The following LRMDA variants were observed in gnomAD, a reference collection of about 807,000 sequenced individuals.
The protein encoded by LRMDA is leucine rich melanocyte differentiation associated, also known as leucine-rich melanocyte differentiation-associated protein.
LRMDA carries 18 observed loss-of-function variants against 29.8 expected under a neutral mutation model. The observed-to-expected ratio is 0.60, with a 90% CI of 0.42 to 0.90. The LOEUF (loss-of-function observed/expected upper bound fraction) is 0.90. Among genes scored for constraint, LRMDA ranks in the 40% least tolerant of loss-of-function variants. The pLI, the probability that LRMDA is intolerant of heterozygous loss-of-function variation, is 0.00. For missense variants in LRMDA, 273 were observed against 273.9 expected (o/e 1.00, Z 0.02); for synonymous variants, 125 against 109.4 (o/e 1.14, Z -0.89).
chr10:76,520,972 T>G (rs1843112683), intron 6 of LRMDA, among the ~76,000 whole-genome samples: 1 of 152,130 alleles, frequency 6.6e-6, no homozygotes, highest in African/African-American at 2.4e-5. Context: ...AATAGAGACA[T>G]ATTTTCTATA....
At chr10:76,113,297 T>C (rs1849610409) in intron 5 of LRMDA, among the ~76,000 whole-genome samples, 1 of 151,904 alleles carries the variant, frequency 6.6e-6, no homozygotes. Context: ...ATTAGAATTG[T>C]GTGGAAGGGT....
At chr10:75,909,746 TAAAC>T (rs1311585975) in intron 2 of LRMDA, among the ~76,000 whole-genome samples, 4 of 152,212 alleles carry the variant, frequency 2.6e-5, no homozygotes, top group African/African-American at 4.8e-5. Flanking sequence ...TTATGAGAAT[TAAAC>T]AAGTTAATAT....
intron 2 of LRMDA, among the ~76,000 whole-genome samples, chr10:75,756,853 A>G (rs1044755154): frequency 6.6e-6 from 1 of 152,180 alleles, no homozygotes; most frequent in Non-Finnish European, 1.5e-5. Flanking sequence ...TCTTTTCTTC[A>G]TCACTGTTGA....
chr10:76,137,604 G>A (rs1850119333), intron 5 of LRMDA, among the ~76,000 whole-genome samples: 1 of 152,162 alleles, frequency 6.6e-6, no homozygotes, highest in Admixed American at 6.5e-5. Flanking sequence ...GTCAGGAGAA[G>A]TGATGAGATG....
At chr10:75,896,895 G>A (rs534481357) in intron 2 of LRMDA, among the ~76,000 whole-genome samples, 1 of 151,080 alleles carries the variant, frequency 6.6e-6, no homozygotes, top group South Asian at 2.1e-4. Context: ...GTAGCCTAAA[G>A]GGAGATCTCA....
chr10:75,606,896 A>G (rs1345590439), intron 2 of LRMDA, among the ~76,000 whole-genome samples: 2 of 152,242 alleles, frequency 1.3e-5, no homozygotes, highest in East Asian at 3.8e-4. Flanking sequence ...ATGGAGGGAA[A>G]GGATGTTATG....
At chr10:75,558,441 A>G (rs918650222) in intron 2 of LRMDA, among the ~76,000 whole-genome samples, 5 of 152,212 alleles carry the variant, frequency 3.3e-5, no homozygotes, top group African/African-American at 1.2e-4. Flanking sequence ...ACATTCAGTC[A>G]TTGATTCAGT....
chr10:76,313,062 T>C (rs1057120428), intron 5 of LRMDA, among the ~76,000 whole-genome samples: 2 of 152,110 alleles, frequency 1.3e-5, no homozygotes, highest in Non-Finnish European at 2.9e-5. Flanking sequence ...CAGCATAACA[T>C]TGTAATTGCC....
chr10:75,675,293 G>C (rs566977134), intron 2 of LRMDA, among the ~76,000 whole-genome samples: 2 of 152,268 alleles, frequency 1.3e-5, no homozygotes, highest in African/African-American at 4.8e-5. Flanking sequence ...TCTGTTGTGA[G>C]GTGTTGCTAG....
chr10:76,483,221 T>A (rs1242811659), intron 6 of LRMDA, among the ~76,000 whole-genome samples: 2 of 151,990 alleles, frequency 1.3e-5, no homozygotes, highest in Non-Finnish European at 2.9e-5. Flanking sequence ...GTAGCACAAT[T>A]TATCATTGCT....
intron 6 of LRMDA, among the ~76,000 whole-genome samples, chr10:76,449,155 A>G (rs935141374): frequency 2.0e-5 from 3 of 151,816 alleles, no homozygotes; most frequent in Non-Finnish European, 2.9e-5. Context: ...TGAAGGGTAT[A>G]AGGAAATATA....
At chr10:76,434,406 A>C (rs1842224068) in intron 6 of LRMDA, among the ~76,000 whole-genome samples, 4 of 143,868 alleles carry the variant, frequency 2.8e-5, no homozygotes, top group East Asian at 2.0e-4. Context: ...TTTTTCTCCC[A>C]CTCCCCTTCC....
intron 2 of LRMDA, among the ~76,000 whole-genome samples, chr10:75,667,745 C>T (rs1489394736): frequency 6.6e-6 from 1 of 152,084 alleles, no homozygotes; most frequent in Non-Finnish European, 1.5e-5. Flanking sequence ...TCTTATGGAT[C>T]ATAGAAAGCT....
chr10:75,647,180 C>T (rs546216881), intron 2 of LRMDA, among the ~76,000 whole-genome samples: 70 of 152,236 alleles, frequency 4.6e-4, no homozygotes, highest in African/African-American at 1.4e-3. Context: ...TGCAACAAGT[C>T]GTAGGAAGTG....
chr10:75,631,628 TCTC>T (rs922117785), intron 2 of LRMDA, among the ~76,000 whole-genome samples: 12 of 152,198 alleles, frequency 7.9e-5, no homozygotes, highest in Non-Finnish European at 1.6e-4. Flanking sequence ...TGAATGTTCC[TCTC>T]CTGACTTTGA....
At chr10:75,835,511 AT>A (rs1316854013) in intron 2 of LRMDA, among the ~76,000 whole-genome samples, 1 of 152,162 alleles carries the variant, frequency 6.6e-6, no homozygotes, top group Non-Finnish European at 1.5e-5. Context: ...ATTCATGGAC[AT>A]ATTTGGGGTG....
chr10:76,474,907 C>T (rs1013611015), intron 6 of LRMDA, among the ~76,000 whole-genome samples: 11 of 151,572 alleles, frequency 7.3e-5, no homozygotes, highest in African/African-American at 2.7e-4. Flanking sequence ...AAAATTTGGT[C>T]ATTAATATCT....
At chr10:76,276,051 A>ATCTATCTC (rs1198060291) in intron 5 of LRMDA, among the ~76,000 whole-genome samples, 4 of 127,530 alleles carry the variant, frequency 3.1e-5, no homozygotes, top group Admixed American at 2.3e-4. Context: ...CTATCTATCT[A>ATCTATCTC]TCTCTTTCTT....
At chr10:76,250,654 T>G (rs1415521952) in intron 5 of LRMDA, among the ~76,000 whole-genome samples, 1 of 152,214 alleles carries the variant, frequency 6.6e-6, no homozygotes, top group Non-Finnish European at 1.5e-5. Context: ...GAATAAGTAT[T>G]AAAACTGCTT....
Sources: allele counts gnomAD v4.1 joint callset (sites outside exome capture counted in the v4.1 genomes callset), GRCh38; gene constraint gnomAD v4.1.1; transcripts MANE v1.5; gene names NCBI Gene and HGNC (gene_info 2026-07-23, HGNC 2026-07-21).